PRIM2: variants seen among roughly 807,000 people sequenced by gnomAD.
The protein encoded by PRIM2 is DNA primase subunit 2, also known as DNA primase large subunit.
Under a neutral mutation model 67.3 loss-of-function variants are expected in PRIM2, and 39 were observed. The observed-to-expected ratio is 0.58, with a 90% confidence interval of 0.45 to 0.76. The LOEUF (loss-of-function observed/expected upper bound fraction) is 0.76. PRIM2 is among the 30% of genes least tolerant of loss of function. PRIM2 has a pLI of 0.00. For synonymous variants in PRIM2, 143 were observed against 198.7 expected (o/e 0.72, Z 2.36); for missense variants, 398 against 598.7 (o/e 0.66, Z 3.50).
At chr6:57,397,024 T>C (rs1449867884) in intron 7 of PRIM2, among the ~76,000 whole-genome samples, 4 of 152,198 alleles carry the variant, frequency 2.6e-5, no homozygotes, top group Non-Finnish European at 1.5e-5. Flanking sequence ...ATGGTTTCTG[T>C]TGAGAAATCT....
intron 10 of PRIM2, among the ~76,000 whole-genome samples, chr6:57,575,528 G>C (rs1775947550): frequency 6.6e-6 from 1 of 152,090 alleles, no homozygotes; most frequent in South Asian, 2.1e-4. Flanking sequence ...GCTATTGAGG[G>C]ACTCTGTTAC....
intron 5 of PRIM2, among the ~76,000 whole-genome samples, chr6:57,337,147 T>G (rs1357977023): frequency 6.6e-6 from 1 of 152,080 alleles, no homozygotes; most frequent in Non-Finnish European, 1.5e-5. Context: ...ATCAATTCAA[T>G]AAGAAGAGCT....
the PRIM2 span, among the ~76,000 whole-genome samples, chr6:57,239,128 C>T: frequency 1.3e-5 from 2 of 151,952 alleles, no homozygotes; most frequent in Non-Finnish European, 2.9e-5. Context: ...GTAGCTGGGA[C>T]TACAGGCGTG....
At chr6:57,356,619 G>A (rs1769038887) in intron 5 of PRIM2, among the ~76,000 whole-genome samples, 1 of 152,202 alleles carries the variant, frequency 6.6e-6, no homozygotes, top group African/African-American at 2.4e-5. Context: ...TGCAGTCTGA[G>A]GAGGTTAGGG....
intron 10 of PRIM2, among the ~76,000 whole-genome samples, chr6:57,575,228 A>G (rs1775942129): frequency 1.3e-5 from 2 of 152,346 alleles, no homozygotes; most frequent in East Asian, 1.9e-4. Flanking sequence ...CCCAAGATCC[A>G]TCTTTTCTCT....
the PRIM2 span, among the ~76,000 whole-genome samples, chr6:57,296,129 G>C: frequency 1.3e-5 from 2 of 152,120 alleles, no homozygotes; most frequent in African/African-American, 4.8e-5. Context: ...GAAGGGTGTG[G>C]AGAAGAAAAA....
chr6:57,494,384 C>T (rs1309944207), intron 7 of PRIM2, among the ~76,000 whole-genome samples: 1 of 152,020 alleles, frequency 6.6e-6, no homozygotes, highest in African/African-American at 2.4e-5. Context: ...CTTTTCTTTA[C>T]CGTAGAATCT....
At chr6:57,271,528 A>T in the PRIM2 span, among the ~76,000 whole-genome samples, 3 of 151,836 alleles carry the variant, frequency 2.0e-5, no homozygotes, top group Non-Finnish European at 2.9e-5. Context: ...TTTCTTCTTT[A>T]TTAGTCTTGC....
At chr6:57,261,415 C>T in the PRIM2 span, among the ~76,000 whole-genome samples, 1 of 152,206 alleles carries the variant, frequency 6.6e-6, no homozygotes, top group South Asian at 2.1e-4. Flanking sequence ...CCCAGCTTCT[C>T]CCTTTCTGCT....
At chr6:57,264,358 C>T in the PRIM2 span, among the ~76,000 whole-genome samples, 4 of 152,098 alleles carry the variant, frequency 2.6e-5, no homozygotes, top group African/African-American at 4.8e-5. Flanking sequence ...AACTGGTTGT[C>T]GTCGGGGGAG....
rs1245204696 is a variant in PRIM2, at chr6:57,476,549, T to C, written c.694-30838T>C. ...CATGCCATTCTTTCCTATTTATTAA[T>C]GTTATATAATATTATACCATGTAAA... is the stretch of plus-strand genomic sequence containing the variant. On this transcript the variant is annotated intron_variant, in intron 7 of 13. Coordinates refer to ENST00000615550, the MANE Select transcript of PRIM2 (RefSeq NM_000947.5). Among the ~76,000 whole-genome samples, 4 of 152,330 alleles carry C rather than the reference T, an allele frequency of 2.6e-5. No individual in the cohort carries two copies. The East Asian group carries it at 5.8e-4, about 22-fold the overall frequency.
At chr6:57,269,543 T>C in the PRIM2 span, among the ~76,000 whole-genome samples, 1 of 152,224 alleles carries the variant, frequency 6.6e-6, no homozygotes, top group African/African-American at 2.4e-5. Context: ...CTTGGTCAGA[T>C]GAGTAGATTG....
At chr6:57,582,653 C>T (rs1166345798) in intron 10 of PRIM2, among the ~76,000 whole-genome samples, 18 of 152,012 alleles carry the variant, frequency 1.2e-4, no homozygotes, top group Non-Finnish European at 2.6e-4. Context: ...TGGTTCAGTG[C>T]GACTTTCAGA....
At chr6:57,579,134 G>A (rs1776027467) in intron 10 of PRIM2, among the ~76,000 whole-genome samples, 1 of 148,030 alleles carries the variant, frequency 6.8e-6, no homozygotes, top group Non-Finnish European at 1.5e-5. Context: ...GCTAACATAC[G>A]TTTTTTCTAA....
chr6:57,288,711 C>T, the PRIM2 span, among the ~76,000 whole-genome samples: 1 of 152,120 alleles, frequency 6.6e-6, no homozygotes, highest in East Asian at 1.9e-4. Flanking sequence ...GCTGAGGGGC[C>T]TGACTGTTAG....
At chr6:57,516,695 A>G (rs1386551291) in intron 8 of PRIM2, among the ~76,000 whole-genome samples, 2 of 152,126 alleles carry the variant, frequency 1.3e-5, no homozygotes, top group South Asian at 4.1e-4. Context: ...AGAGCTGTTC[A>G]GTAATACATG....
At chr6:57,314,227 A>G (rs1767438039), upstream of PRIM2, among the ~76,000 whole-genome samples, 1 of 152,184 alleles carries the variant, frequency 6.6e-6, no homozygotes, top group African/African-American at 2.4e-5. Flanking sequence ...TCAACAATTC[A>G]GTATGGGCTG....
chr6:57,505,712 A>G (rs1774236762), intron 7 of PRIM2, among the ~76,000 whole-genome samples: 1 of 152,320 alleles, frequency 6.6e-6, no homozygotes, highest in South Asian at 2.1e-4. Context: ...GGAAAAGGAA[A>G]TGAAGACTGA....
At chr6:57,471,582 T>C (rs2127401918) in intron 7 of PRIM2, among the ~76,000 whole-genome samples, 1 of 152,324 alleles carries the variant, frequency 6.6e-6, no homozygotes, top group Admixed American at 6.5e-5. Flanking sequence ...TTGGTGGTAG[T>C]CACTGCTGTT....
Sources: gnomAD v4.1 joint callset for allele counts (sites outside exome capture counted in the v4.1 genomes callset) on GRCh38, gnomAD v4.1.1 for gene constraint, MANE v1.5 for transcripts, NCBI Gene and HGNC (gene_info 2026-07-23, HGNC 2026-07-21) for gene names.